The following C8orf89 variants were observed in gnomAD, a reference collection of about 807,000 sequenced individuals.
C8orf89 encodes putative uncharacterized protein C8orf89.
A neutral mutation model predicts 15.8 loss-of-function variants in C8orf89; 14 were observed. That is an observed-to-expected ratio of 0.89 (90% CI 0.59 to 1.39). The LOEUF (loss-of-function observed/expected upper bound fraction) is 1.39, where lower values mean the gene tolerates loss of function less well. Ranked by LOEUF, C8orf89 falls within the 40% of genes most tolerant of loss-of-function variation. The probability of loss-of-function intolerance (pLI) is 0.00; values close to 1 mark genes in which losing one functional copy is unlikely to be tolerated. For missense variants in C8orf89, 181 were observed against 184.5 expected, an observed-to-expected ratio of 0.98 and a Z score of 0.11; for synonymous variants, 55 against 62.2, an observed-to-expected ratio of 0.88 and a Z score of 0.54.
At chr8:73,259,697 A>C (rs1173063963), upstream of C8orf89, among the ~76,000 whole-genome samples, 2 of 152,178 alleles carry the variant, frequency 1.3e-5, no homozygotes, top group African/African-American at 4.8e-5. Context: ...GAATACTTGG[A>C]TTCTCTCAAA....
At chr8:73,285,110 C>CT in the C8orf89 span, among the ~76,000 whole-genome samples, 1 of 152,162 alleles carries the variant, frequency 6.6e-6, no homozygotes, top group Non-Finnish European at 1.5e-5. Flanking sequence ...TTTTAACAGT[C>CT]TAACTGGGTT....
Position 73,259,409 on chromosome 8 carries a change from C to T in C8orf89, c.50G>A (p.Arg17Lys). 6.5e-7 allele frequency: 1 copy of T among 1,533,850 alleles called. No homozygotes were observed. The highest frequency in any genetic ancestry group is 8.7e-7 in the Non-Finnish European group (1 of 1,145,582). The change falls in exon 1 of 4, where the codon AGA (arginine) becomes AAA (lysine). Residue 17 changes from arginine (R) to lysine (K), a missense_variant. By Grantham distance (26) the Arg-to-Lys change is conservative. Coordinates refer to ENST00000624510, the MANE Select transcript of C8orf89 (RefSeq NM_001243237.3). ...EIKCETSKFTRSSFGSCLIFE... is the reference protein window; with the variant it reads ...EIKCETSKFTKSSFGSCLIFE... ...AATCAAACAACTGCCAAAGGAACTT[C>T]TGGTGAATTTAGAAGTCTCACATTT...
At chr8:73,259,991 C>T (rs184885083), upstream of C8orf89, among the ~76,000 whole-genome samples, 189 of 152,268 alleles carry the variant, frequency 1.2e-3, no homozygotes, top group Non-Finnish European at 2.5e-3. Flanking sequence ...CCACCATGAC[C>T]GCTACCATTT....
the C8orf89 span, among the ~76,000 whole-genome samples, chr8:73,265,988 C>T: frequency 6.6e-6 from 1 of 152,198 alleles, no homozygotes; most frequent in Non-Finnish European, 1.5e-5. Context: ...TCCATCTCCA[C>T]CCTACTCCAA....
chr8:73,263,806 T>C (rs1304182589), upstream of C8orf89, among the ~76,000 whole-genome samples: 2 of 152,132 alleles, frequency 1.3e-5, no homozygotes, highest in Admixed American at 1.3e-4. Flanking sequence ...ACAATAAAAG[T>C]AGAGTTCTAT....
intron 2 of C8orf89, among the ~76,000 whole-genome samples, chr8:73,253,839 T>C (rs1349876989): frequency 1.4e-5 from 2 of 146,968 alleles, no homozygotes; most frequent in East Asian, 3.9e-4. Flanking sequence ...TGGGCTGAGA[T>C]GAGGGGGTTT....
the C8orf89 span, among the ~76,000 whole-genome samples, chr8:73,285,455 C>T: frequency 1.3e-5 from 2 of 152,228 alleles, no homozygotes; most frequent in South Asian, 2.1e-4. Context: ...GAGTGACCCA[C>T]GTGCCTCTCT....
chr8:73,284,165 A>C, the C8orf89 span, among the ~76,000 whole-genome samples: 3 of 151,268 alleles, frequency 2.0e-5, no homozygotes, highest in Non-Finnish European at 4.4e-5. Context: ...TGAAATACTC[A>C]GTGCAGACCT....
upstream of C8orf89, chr8:73,259,540 T>C: frequency 9.6e-7 from 1 of 1,041,236 alleles, no homozygotes; most frequent in Non-Finnish European, 1.3e-6. Flanking sequence ...ACAAGGCACG[T>C]CCGAGACAAG....
the C8orf89 span, among the ~76,000 whole-genome samples, chr8:73,274,730 A>C: frequency 6.6e-6 from 1 of 152,186 alleles, no homozygotes; most frequent in Non-Finnish European, 1.5e-5. Flanking sequence ...TTTTAACTGC[A>C]CGTAGGTATA....
upstream of C8orf89, among the ~76,000 whole-genome samples, chr8:73,262,682 T>A (rs372549190): frequency 6.6e-6 from 1 of 151,686 alleles, no homozygotes; most frequent in Admixed American, 6.6e-5. Flanking sequence ...CCAAGCATAG[T>A]GGCATACATC....
At chr8:73,272,424 A>T in the C8orf89 span, among the ~76,000 whole-genome samples, 1 of 152,058 alleles carries the variant, frequency 6.6e-6, no homozygotes, top group Non-Finnish European at 1.5e-5. Flanking sequence ...CATGCACATT[A>T]TATCAGCCCA....
chr8:73,267,915 T>C, the C8orf89 span, among the ~76,000 whole-genome samples: 1 of 152,162 alleles, frequency 6.6e-6, no homozygotes, highest in Non-Finnish European at 1.5e-5. Context: ...GCCGAAGATG[T>C]GTCTCTGGCA....
the C8orf89 span, among the ~76,000 whole-genome samples, chr8:73,273,363 T>C: frequency 6.6e-6 from 1 of 152,194 alleles, no homozygotes; most frequent in Non-Finnish European, 1.5e-5. Context: ...CAGCTCCCAG[T>C]GCCCACTCTG....
At chr8:73,252,973 C>G (rs1175407527) in intron 2 of C8orf89, among the ~76,000 whole-genome samples, 1 of 152,102 alleles carries the variant, frequency 6.6e-6, no homozygotes, top group African/African-American at 2.4e-5. Context: ...AACCCCGTCT[C>G]TACTAAAAAA....
At chr8:73,268,829 A>G in the C8orf89 span, among the ~76,000 whole-genome samples, 1 of 152,198 alleles carries the variant, frequency 6.6e-6, no homozygotes, top group Non-Finnish European at 1.5e-5. Context: ...AATGGCTGGT[A>G]CATTGGGCCT....
chr8:73,269,803 T>C, the C8orf89 span, among the ~76,000 whole-genome samples: 1 of 152,244 alleles, frequency 6.6e-6, no homozygotes, highest in Non-Finnish European at 1.5e-5. Context: ...GCTGTAGCTT[T>C]CACTGTTATT....
chr8:73,262,377 AT>A (rs1394946767), upstream of C8orf89, among the ~76,000 whole-genome samples: 4 of 152,186 alleles, frequency 2.6e-5, no homozygotes, highest in Non-Finnish European at 5.9e-5. Context: ...TCTTAGTGGC[AT>A]TTTATTCTAT....
intron 3 of C8orf89, among the ~76,000 whole-genome samples, chr8:73,242,930 T>C (rs578076669): frequency 5.1e-4 from 77 of 152,270 alleles, no homozygotes; most frequent in African/African-American, 1.8e-3. Context: ...GATGAATGGA[T>C]GAAGAAAATG....
Sources: gnomAD v4.1 joint callset for allele counts (sites outside exome capture counted in the v4.1 genomes callset) on GRCh38, gnomAD v4.1.1 for gene constraint, MANE v1.5 for transcripts, NCBI Gene and HGNC (gene_info 2026-07-23, HGNC 2026-07-21) for gene names.